STK24: variants seen among roughly 807,000 people sequenced by gnomAD.
STK24 encodes serine/threonine-protein kinase 24.
Under a neutral mutation model 55.6 loss-of-function variants are expected in STK24, and 21 were observed. The observed-to-expected ratio is 0.38, with a 90% confidence interval of 0.27 to 0.54. The LOEUF is 0.54. Ranked by LOEUF, STK24 falls within the 20% of genes least tolerant of loss-of-function variation. The probability of loss-of-function intolerance (pLI) is 0.79; values close to 1 mark genes in which losing one functional copy is unlikely to be tolerated. For missense variants in STK24, 383 were observed against 538.4 expected (o/e 0.71, Z 2.86); for synonymous variants, 200 against 215.2 (o/e 0.93, Z 0.62).
At chr13:98,561,716 C>T (rs547312495) in intron 1 of STK24, among the ~76,000 whole-genome samples, 13 of 152,062 alleles carry the variant, frequency 8.5e-5, no homozygotes, top group African/African-American at 2.9e-4. Flanking sequence ...GTGGCTCTTG[C>T]CACTAATCCT....
rs748921627 is a variant in STK24 at position 98,482,220 on chromosome 13, G to A, written c.330+45C>T. On this transcript the variant is annotated intron_variant, in intron 3 of 10. Coordinates refer to ENST00000539966, the MANE Select transcript of STK24 (RefSeq NM_001032296.4). ...GGATTCTTTAAAACCCAGGTTTCCTGAGAAAAAGCTTTGATACGTATTCTG... is the reference window on the plus strand; with the variant it reads ...GGATTCTTTAAAACCCAGGTTTCCTAAGAAAAAGCTTTGATACGTATTCTG... The A allele has an allele frequency of 3.4e-6, 4 of 1,172,056 alleles. No homozygotes were observed. The Admixed American group carries it at 1.0e-4, about 30-fold the overall frequency. 72.6% of individuals were successfully genotyped at this position (1,172,056 alleles called of 1,614,324 possible). A position where few individuals can be genotyped will look rare whatever the true frequency, so the allele number is the denominator to read the frequency against.
chr13:98,482,364 C>A (rs774385573), intron 2 of STK24, 43 bp from the exon 3 acceptor site: 6 of 1,285,772 alleles, frequency 4.7e-6, no homozygotes, highest in Admixed American at 2.3e-5. Flanking sequence ...CAAAATGAAT[C>A]CAGGAAAATT....
intron 2 of STK24, among the ~76,000 whole-genome samples, chr13:98,482,949 G>T (rs551676754): frequency 1.3e-5 from 2 of 152,342 alleles, no homozygotes; most frequent in South Asian, 4.1e-4. Context: ...GTCCTAACAT[G>T]CATGTCTGTG....
chr13:98,482,798 G>A (rs115389843), intron 2 of STK24, among the ~76,000 whole-genome samples: 2 of 152,160 alleles, frequency 1.3e-5, no homozygotes, highest in Admixed American at 6.5e-5. Context: ...CCTACCGTGT[G>A]TCTCCAGGTC....
In STK24 at chr13:98,445,808, A is replaced by C; in HGVS notation, c.*7365T>G. 1.4e-5 allele frequency: 4 copies of C among 292,358 alleles called. No individual in the cohort carries two copies. The highest frequency in any genetic ancestry group is 8.2e-5 in the East Asian group (1 of 12,208). 18.1% of individuals were successfully genotyped at this position (292,358 alleles called of 1,614,324 possible). ...TCACTAGTTACCCTGCAACGAGCCT[A>C]TTTCCAAATAAGCCTGTGTTCTAAG... On this transcript the variant is annotated 3_prime_UTR_variant, in exon 11 of 11. Transcript: ENST00000539966.
intron 6 of STK24, among the ~76,000 whole-genome samples, chr13:98,466,061 G>T (rs113827937): frequency 6.6e-6 from 1 of 152,154 alleles, no homozygotes; most frequent in African/African-American, 2.4e-5. Flanking sequence ...TAAAAACAGT[G>T]TAACAGTTTA....
At chr13:98,568,639 T>G (rs1182952845) in intron 1 of STK24, among the ~76,000 whole-genome samples, 3 of 152,036 alleles carry the variant, frequency 2.0e-5, no homozygotes, top group Non-Finnish European at 2.9e-5. Flanking sequence ...GGCCGAGGCA[T>G]GTGGATCACC....
rs113324105 is a variant in STK24, at chr13:98,549,013, G to A, written c.42+27732C>T. Reference sequence around the variant, plus strand: ...CCCCGGGGTAGGACAATGGTCATGAGGCCTCCTGCAATTAGGCTGTTGCTA... The same window carrying A: ...CCCCGGGGTAGGACAATGGTCATGAAGCCTCCTGCAATTAGGCTGTTGCTA... On this transcript the variant is annotated intron_variant, in intron 1 of 10. Transcript: ENST00000539966. 9.5e-4 allele frequency among the ~76,000 whole-genome samples: 144 copies of A among 152,242 alleles called. 1 individual carries two copies. The highest frequency in any genetic ancestry group is 3.4e-3 in the African/African-American group (140 of 41,544).
chr13:98,566,458 G>C (rs1365474877), intron 1 of STK24, among the ~76,000 whole-genome samples: 1 of 152,218 alleles, frequency 6.6e-6, no homozygotes, highest in Non-Finnish European at 1.5e-5. Context: ...TTCCGCCCCA[G>C]TGATGCTGTT....
intron 2 of STK24, among the ~76,000 whole-genome samples, chr13:98,514,077 C>A (rs1895973964): frequency 6.6e-6 from 1 of 152,206 alleles, no homozygotes; most frequent in Admixed American, 6.5e-5. Flanking sequence ...AGTTATCATA[C>A]AATATGGGCA....
chr13:98,548,180 T>C (rs1897073313), intron 1 of STK24, among the ~76,000 whole-genome samples: 1 of 152,194 alleles, frequency 6.6e-6, no homozygotes, highest in Non-Finnish European at 1.5e-5. Context: ...GAAAAATGCA[T>C]ACATATTATA....
rs1896189712 is a variant in STK24, at chr13:98,519,598, C to T, written c.43-125G>A. On this transcript the variant is annotated intron_variant, in intron 1 of 10. Transcript: ENST00000539966. ...CAGGGACTCATCTATTTTCTGTGTCCAGCATCAGGCTGGTGGTGACCACAG... is the reference window on the plus strand; with the variant it reads ...CAGGGACTCATCTATTTTCTGTGTCTAGCATCAGGCTGGTGGTGACCACAG... 4 of 774,638 alleles carry T rather than the reference C, an allele frequency of 5.2e-6. No homozygotes were observed. The South Asian group carries it at 6.9e-5, about 13-fold the overall frequency. 48.0% of individuals were successfully genotyped at this position (774,638 alleles called of 1,614,324 possible).
Position 98,521,688 on chromosome 13 carries a change from A to T in STK24, c.43-2215T>A. ...TGAGCAGCTTTCGGGGATGCGGGGG[A>T]AGCAGCGCATCCTTTTTTAGCTATA... On this transcript the variant is annotated intron_variant, in intron 1 of 10. Transcript: ENST00000539966. The T allele has an allele frequency of 8.3e-6, 6 of 722,942 alleles. No individual in the cohort carries two copies. The South Asian group carries it at 9.1e-5, about 11-fold the overall frequency. The allele number at this position is 722,942 out of a possible 1,614,324, so 44.8% of individuals were successfully genotyped here.
intron 1 of STK24, among the ~76,000 whole-genome samples, chr13:98,559,610 C>T (rs1404280845): frequency 6.6e-6 from 1 of 152,180 alleles, no homozygotes; most frequent in Admixed American, 6.5e-5. Context: ...AAAGTCTACA[C>T]TTACGTACCA....
intron 2 of STK24, among the ~76,000 whole-genome samples, chr13:98,491,311 G>A (rs181207816): frequency 6.6e-6 from 1 of 152,304 alleles, no homozygotes; most frequent in East Asian, 1.9e-4. Context: ...GGAGATCACT[G>A]CTGATTAGGA....
chr13:98,562,550 T>C (rs1897452097), intron 1 of STK24, among the ~76,000 whole-genome samples: 1 of 152,200 alleles, frequency 6.6e-6, no homozygotes, highest in Non-Finnish European at 1.5e-5. Flanking sequence ...TCTCATTTGA[T>C]TGCTATAGCT....
rs1311808341 is a variant in STK24 at position 98,453,160 on chromosome 13, T to C, written c.*13A>G. ...AAAAAAGGAAAAACAAAACCCCAAA[T>C]GCCAAAGGAATTTCAGTGGGATGAA... On this transcript the variant is annotated 3_prime_UTR_variant, in exon 11 of 11. Transcript: ENST00000539966. 6.2e-7 allele frequency: 1 copy of C among 1,613,572 alleles called. No individual in the cohort carries two copies. Among genetic ancestry groups the C allele is most frequent in the Admixed American group, 1.7e-5 (1 of 59,924 alleles).
At chr13:98,531,986 G>A (rs768328121) in intron 1 of STK24, among the ~76,000 whole-genome samples, 19 of 152,166 alleles carry the variant, frequency 1.2e-4, no homozygotes, top group Non-Finnish European at 2.8e-4. Flanking sequence ...CTGCATGTGG[G>A]TAGCTCCCTA....
intron 1 of STK24, among the ~76,000 whole-genome samples, chr13:98,543,258 G>A (rs1005003421): frequency 2.0e-5 from 3 of 152,158 alleles, no homozygotes; most frequent in Admixed American, 1.3e-4. Flanking sequence ...GTGCTCCCGC[G>A]GCTGGACCTG....
Sources: gnomAD v4.1 joint callset for allele counts (sites outside exome capture counted in the v4.1 genomes callset) on GRCh38, gnomAD v4.1.1 for gene constraint, MANE v1.5 for transcripts, NCBI Gene and HGNC (gene_info 2026-07-23, HGNC 2026-07-21) for gene names.